ENPP3: variants seen among roughly 807,000 people sequenced by gnomAD.
The protein encoded by ENPP3 is ectonucleotide pyrophosphatase/phosphodiesterase family member 3.
A neutral mutation model predicts 117.8 loss-of-function variants in ENPP3; 104 were observed. The observed-to-expected ratio is 0.88, with a 90% CI of 0.75 to 1.04. The LOEUF is 1.04. Ranked by LOEUF, ENPP3 falls within the 50% of genes least tolerant of loss-of-function variation. The probability of loss-of-function intolerance (pLI) is 0.00; values close to 1 mark genes in which losing one functional copy is unlikely to be tolerated. For synonymous variants in ENPP3, 380 were observed against 349.9 expected, an observed-to-expected ratio of 1.09 and a Z score of -0.96; for missense variants, 1,026 against 1,051.9, an observed-to-expected ratio of 0.98 and a Z score of 0.34.
intron 10 of ENPP3, 150 bp downstream of exon 10, chr6:131,676,951 C>T (rs996391738): frequency 1.7e-6 from 1 of 594,062 alleles, no homozygotes. Context: ...ATGAATTATT[C>T]CTGGCTGGGC....
intron 11 of ENPP3, among the ~76,000 whole-genome samples, chr6:131,680,623 C>A (rs1405479087): frequency 1.3e-5 from 2 of 152,162 alleles, no homozygotes; most frequent in Non-Finnish European, 2.9e-5. Context: ...GATTTTCTGA[C>A]TTTCTTAATT....
intron 5 of ENPP3, among the ~76,000 whole-genome samples, chr6:131,655,579 C>T (rs533276631): frequency 6.6e-6 from 1 of 152,262 alleles, no homozygotes; most frequent in Non-Finnish European, 1.5e-5. Flanking sequence ...TTGTTTGAGG[C>T]ACCAAGACTC....
intron 5 of ENPP3, among the ~76,000 whole-genome samples, chr6:131,656,031 T>A (rs2114329220): frequency 6.6e-6 from 1 of 152,346 alleles, no homozygotes; most frequent in African/African-American, 2.4e-5. Context: ...AAAATCCTCT[T>A]GCCAGACATT....
rs72401502 is a variant in ENPP3, at chr6:131,744,802, TACACACACAC to T, written c.2458-1960_2458-1951del. 2.3e-4 allele frequency among the ~76,000 whole-genome samples: 34 copies of T among 146,866 alleles called. No individual in the cohort carries two copies. In the South Asian group the frequency reaches 4.2e-3, roughly 18 times the overall value. ...TCTTAATTCTGTAACAGGTCATTTA[TACACACACAC>T]ACACACACACACACACACACACATA... On this transcript the variant is annotated intron_variant, in intron 24 of 24. Coordinates refer to ENST00000357639, the MANE Select transcript of ENPP3 (RefSeq NM_005021.5).
intron 5 of ENPP3, among the ~76,000 whole-genome samples, chr6:131,656,563 T>C (rs903828184): frequency 6.6e-6 from 1 of 152,046 alleles, no homozygotes; most frequent in African/African-American, 2.4e-5. Flanking sequence ...GTCAGGAGAT[T>C]GAGACCATCC....
At chr6:131,644,165 T>G (rs963672130) in intron 2 of ENPP3, among the ~76,000 whole-genome samples, 1 of 152,108 alleles carries the variant, frequency 6.6e-6, no homozygotes, top group African/African-American at 2.4e-5. Context: ...GGTCATAAAA[T>G]GAGATCTACT....
At chr6:131,737,503 A>G (rs999172057) in intron 22 of ENPP3, 71 bp downstream of exon 22, 2 of 851,722 alleles carry the variant, frequency 2.3e-6, no homozygotes, top group South Asian at 3.1e-5. Flanking sequence ...CTAAACACAT[A>G]TTTTTTTAAT....
chr6:131,678,901 CTT>C (rs1778930873), intron 11 of ENPP3, among the ~76,000 whole-genome samples: 3 of 145,752 alleles, frequency 2.1e-5, no homozygotes, highest in Non-Finnish European at 3.0e-5. Flanking sequence ...CCCTTTCTTT[CTT>C]TCTCTCTTTC....
intron 15 of ENPP3, among the ~76,000 whole-genome samples, chr6:131,697,959 A>G (rs559930845): frequency 6.6e-6 from 1 of 152,278 alleles, no homozygotes; most frequent in East Asian, 1.9e-4. Flanking sequence ...ATAGTGCATC[A>G]CCGGGAAGGT....
intron 18 of ENPP3, among the ~76,000 whole-genome samples, chr6:131,723,156 A>C (rs145037070): frequency 4.6e-5 from 7 of 152,324 alleles, no homozygotes; most frequent in African/African-American, 1.7e-4. Context: ...CCAAGTTCCA[A>C]ATGTGTTTGT....
chr6:131,721,474 AG>A (rs2114529363), intron 17 of ENPP3, among the ~76,000 whole-genome samples: 1 of 152,028 alleles, frequency 6.6e-6, no homozygotes, highest in Non-Finnish European at 1.5e-5. Context: ...CTGCAGTTCC[AG>A]GAGAGATCTG....
intron 1 of ENPP3, among the ~76,000 whole-genome samples, chr6:131,641,023 A>G (rs1208280251): frequency 1.3e-5 from 2 of 152,144 alleles, no homozygotes; most frequent in East Asian, 1.9e-4. Flanking sequence ...TAGAGTAGGA[A>G]AAAAAGCCCT....
intron 17 of ENPP3, 148 bp downstream of exon 17, chr6:131,720,527 A>G (rs1779992704): frequency 6.0e-6 from 3 of 496,730 alleles, no homozygotes; most frequent in East Asian, 6.7e-5. Flanking sequence ...ATTATTCATT[A>G]TTCAGAATTA....
intron 6 of ENPP3, among the ~76,000 whole-genome samples, chr6:131,658,699 T>A (rs1014676539): frequency 7.9e-5 from 12 of 152,218 alleles, no homozygotes; most frequent in African/African-American, 2.4e-4. Flanking sequence ...AATCTATTCA[T>A]GTGTACTGCC....
intron 11 of ENPP3, among the ~76,000 whole-genome samples, chr6:131,678,197 A>G (rs188874413): frequency 2.6e-5 from 4 of 152,340 alleles, no homozygotes; most frequent in African/African-American, 9.6e-5. Context: ...CTCATTGAAT[A>G]TTAGATGTGG....
At chr6:131,639,956 C>T (rs886982154) in intron 1 of ENPP3, among the ~76,000 whole-genome samples, 31 of 151,854 alleles carry the variant, frequency 2.0e-4, no homozygotes, top group African/African-American at 7.0e-4. Context: ...GTGAGACCTC[C>T]AACTCTAAAT....
At chr6:131,667,243 A>C (rs2114362454) in intron 6 of ENPP3, among the ~76,000 whole-genome samples, 1 of 152,106 alleles carries the variant, frequency 6.6e-6, no homozygotes, top group East Asian at 1.9e-4. Context: ...ACTGGCCCCC[A>C]GGTGACTAGA....
At chr6:131,740,653 T>A (rs763830352) in intron 24 of ENPP3, among the ~76,000 whole-genome samples, 8 of 152,166 alleles carry the variant, frequency 5.3e-5, no homozygotes, top group Non-Finnish European at 1.0e-4. Context: ...ATGAAAGAGG[T>A]GAAATCTTGT....
At chr6:131,678,985 C>CCTTG (rs1778947057) in intron 11 of ENPP3, among the ~76,000 whole-genome samples, 2 of 109,174 alleles carry the variant, frequency 1.8e-5, no homozygotes, top group African/African-American at 1.0e-4. Context: ...TTCCTTCCTT[C>CCTTG]CTTCCTTCCT....
Sources: allele counts gnomAD v4.1 joint callset (sites outside exome capture counted in the v4.1 genomes callset), GRCh38; gene constraint gnomAD v4.1.1; transcripts MANE v1.5; gene names NCBI Gene and HGNC (gene_info 2026-07-23, HGNC 2026-07-21).